The following LRP1B variants were observed in gnomAD, a reference collection of about 807,000 sequenced individuals.
LRP1B encodes the protein low-density lipoprotein receptor-related protein 1B.
In LRP1B, 217 loss-of-function variants were observed where a neutral mutation model predicts 556.6. The ratio of observed to expected loss-of-function variants is 0.39; its 90% CI spans 0.35 to 0.44. The LOEUF is 0.44. Ranked by LOEUF, LRP1B falls within the 20% of genes least tolerant of loss-of-function variation. The probability of loss-of-function intolerance (pLI) is 1.00; values close to 1 mark genes in which losing one functional copy is unlikely to be tolerated. For synonymous variants in LRP1B, 2,047 were observed against 1,865.8 expected (o/e 1.10, Z -2.50); for missense variants, 5,053 against 5,620.8 (o/e 0.90, Z 3.23).
At chr2:141,008,017 C>A (rs912850116) in intron 14 of LRP1B, among the ~76,000 whole-genome samples, 5 of 151,002 alleles carry the variant, frequency 3.3e-5, no homozygotes, top group African/African-American at 4.8e-5. Flanking sequence ...TAATAGTGAC[C>A]CAACGTATTT....
At chr2:140,838,994 A>G (rs1692011686) in intron 31 of LRP1B, among the ~76,000 whole-genome samples, 1 of 152,170 alleles carries the variant, frequency 6.6e-6, no homozygotes, top group Non-Finnish European at 1.5e-5. Flanking sequence ...GTTATAGCTG[A>G]TGATTTGCAA....
intron 1 of LRP1B, among the ~76,000 whole-genome samples, chr2:141,916,609 C>T (rs1190233358): frequency 2.0e-5 from 3 of 149,442 alleles, no homozygotes; most frequent in African/African-American, 7.4e-5. Flanking sequence ...GTCTTGATCT[C>T]CTGACCTCGT....
chr2:140,481,232 TG>T (rs1406536288), intron 59 of LRP1B, among the ~76,000 whole-genome samples: 8 of 152,160 alleles, frequency 5.3e-5, no homozygotes, highest in Admixed American at 3.9e-4. Flanking sequence ...CTACAGGATT[TG>T]GGGTTCTTTT....
At chr2:141,617,453 T>A (rs138151115) in intron 2 of LRP1B, among the ~76,000 whole-genome samples, 2 of 152,328 alleles carry the variant, frequency 1.3e-5, no homozygotes, top group Admixed American at 1.3e-4. Context: ...CAGGACAGAA[T>A]GGAGCATGCT....
chr2:141,326,151 T>C (rs939846828), intron 3 of LRP1B, among the ~76,000 whole-genome samples: 3 of 152,174 alleles, frequency 2.0e-5, no homozygotes, highest in African/African-American at 7.2e-5. Context: ...GAGCTTGTCA[T>C]CTGTGGCAAG....
intron 32 of LRP1B, among the ~76,000 whole-genome samples, chr2:140,782,567 A>G (rs1689737099): frequency 6.6e-6 from 1 of 152,164 alleles, no homozygotes; most frequent in Admixed American, 6.5e-5. Flanking sequence ...CTGTCAAGCC[A>G]TCCAGTCTGT....
At chr2:141,196,879 G>T (rs6714285) in intron 6 of LRP1B, among the ~76,000 whole-genome samples, 14,129 of 152,102 alleles carry the variant, frequency 0.093, 711 homozygotes, top group South Asian at 0.13. Flanking sequence ...TTCTGCCAAA[G>T]TAGTTGATAT....
At chr2:141,200,013 T>G (rs1334318189) in intron 6 of LRP1B, among the ~76,000 whole-genome samples, 1 of 152,176 alleles carries the variant, frequency 6.6e-6, no homozygotes, top group East Asian at 1.9e-4. Flanking sequence ...GAAAGCAATG[T>G]GGCAATTCCT....
At chr2:141,632,831 C>T (rs1688960418) in intron 2 of LRP1B, among the ~76,000 whole-genome samples, 1 of 142,230 alleles carries the variant, frequency 7.0e-6, no homozygotes, top group Admixed American at 7.3e-5. Flanking sequence ...TACACACAGA[C>T]TACTATGAGA....
At chr2:141,276,566 C>A (rs1685295773) in intron 3 of LRP1B, among the ~76,000 whole-genome samples, 1 of 151,982 alleles carries the variant, frequency 6.6e-6, no homozygotes, top group Non-Finnish European at 1.5e-5. Context: ...TCTGTTCCTG[C>A]ATTAGTTTGC....
At chr2:140,827,395 T>C (rs1691546321) in intron 31 of LRP1B, among the ~76,000 whole-genome samples, 1 of 151,934 alleles carries the variant, frequency 6.6e-6, no homozygotes, top group Non-Finnish European at 1.5e-5. Context: ...TTCAGAAACT[T>C]ATCAGAGAAA....
intron 37 of LRP1B, among the ~76,000 whole-genome samples, chr2:140,713,915 T>C (rs1382589664): frequency 1.3e-5 from 2 of 152,162 alleles, no homozygotes; most frequent in Non-Finnish European, 2.9e-5. Context: ...CCTGCTCTAA[T>C]TATATGGTAT....
intron 11 of LRP1B, among the ~76,000 whole-genome samples, chr2:141,035,978 T>G (rs1698521663): frequency 6.6e-6 from 1 of 152,124 alleles, no homozygotes; most frequent in South Asian, 2.1e-4. Context: ...CTATTTGCAC[T>G]CATGAACTAT....
At chr2:141,782,499 G>T (rs1404501050) in intron 2 of LRP1B, among the ~76,000 whole-genome samples, 1 of 135,864 alleles carries the variant, frequency 7.4e-6, no homozygotes, top group Non-Finnish European at 1.5e-5. Context: ...ACATTTCTTT[G>T]CATGTTCTAT....
chr2:140,946,396 T>C (rs1695548702), intron 20 of LRP1B, among the ~76,000 whole-genome samples: 1 of 152,076 alleles, frequency 6.6e-6, no homozygotes. Context: ...AGTCAGGAGT[T>C]TGAGACCAGC....
At chr2:140,338,843 G>C (rs1034030058) in intron 77 of LRP1B, among the ~76,000 whole-genome samples, 1 of 151,630 alleles carries the variant, frequency 6.6e-6, no homozygotes, top group African/African-American at 2.4e-5. Flanking sequence ...AAGCATACCA[G>C]ATTGGAGAGA....
intron 2 of LRP1B, among the ~76,000 whole-genome samples, chr2:141,721,438 C>A (rs16846973): frequency 0.023 from 3,490 of 152,074 alleles, 156 homozygotes; most frequent in African/African-American, 0.079. Context: ...GTAAAAAGCC[C>A]CTGGAAGAAG....
chr2:141,609,778 A>G (rs565885602), intron 2 of LRP1B, among the ~76,000 whole-genome samples: 4 of 152,298 alleles, frequency 2.6e-5, no homozygotes, highest in Admixed American at 2.6e-4. Context: ...TCCCTTGAGC[A>G]ATTCCCCTAA....
intron 86 of LRP1B, among the ~76,000 whole-genome samples, chr2:140,261,508 G>GA (rs1198254271): frequency 2.0e-5 from 3 of 151,648 alleles, no homozygotes; most frequent in Non-Finnish European, 4.4e-5. Context: ...TTATATCCTA[G>GA]AAAAAATAGT....
Sources: gnomAD v4.1 joint callset for allele counts (sites outside exome capture counted in the v4.1 genomes callset) on GRCh38, gnomAD v4.1.1 for gene constraint, MANE v1.5 for transcripts, NCBI Gene and HGNC (gene_info 2026-07-23, HGNC 2026-07-21) for gene names.